IPMK: variants seen among roughly 807,000 people sequenced by gnomAD.
IPMK encodes the protein inositol polyphosphate multikinase, also known as inositol 1,3,4,6-tetrakisphosphate 5-kinase.
A neutral mutation model predicts 45.8 loss-of-function variants in IPMK; 17 were observed. The observed-to-expected ratio is 0.37, with a 90% CI of 0.25 to 0.56. The LOEUF is 0.56. Ranked by LOEUF, IPMK falls within the 20% of genes least tolerant of loss-of-function variation. The pLI, the probability that IPMK is intolerant of heterozygous loss-of-function variation, is 0.79. For missense variants in IPMK, 399 were observed against 498.0 expected, an observed-to-expected ratio of 0.80 and a Z score of 1.89; for synonymous variants, 180 against 184.3, an observed-to-expected ratio of 0.98 and a Z score of 0.19.
intron 1 of IPMK, among the ~76,000 whole-genome samples, chr10:58,264,440 C>G (rs1839118969): frequency 6.6e-6 from 1 of 152,094 alleles, no homozygotes; most frequent in Non-Finnish European, 1.5e-5. Context: ...ATAGACTACC[C>G]CATTTCTACA....
Position 58,244,591 on chromosome 10 carries a change from A to G in IPMK, c.191-6777T>C, listed in dbSNP as rs557244281. Among the ~76,000 whole-genome samples the G allele has an allele frequency of 4.0e-4, 61 of 151,848 alleles. 1 individual carries two copies. Among genetic ancestry groups the G allele is most frequent in the Non-Finnish European group, 7.1e-4 (48 of 67,882 alleles). ...ATGATGACGATGGTGGTTTTGTCGA[A>G]AAAAAAGAAAAGGGGGAAATGTGGG... On this transcript the variant is annotated intron_variant, in intron 1 of 5. Coordinates refer to ENST00000373935, the MANE Select transcript of IPMK (RefSeq NM_152230.5).
intron 3 of IPMK, among the ~76,000 whole-genome samples, chr10:58,226,182 C>G (rs373664196): frequency 1.3e-5 from 2 of 152,052 alleles, no homozygotes; most frequent in African/African-American, 4.8e-5. Context: ...AAACCTGGCA[C>G]GCAAAGTCAT....
rs1346889312 is a variant in IPMK, at chr10:58,245,923, T to C, written c.191-8109A>G. ...GAAAACCCCACTGTCTCAGCCCAAATCTCCGTAAGCTGATAAGCAACTTCA... is the reference window on the plus strand; with the variant it reads ...GAAAACCCCACTGTCTCAGCCCAAACCTCCGTAAGCTGATAAGCAACTTCA... On this transcript the variant is annotated intron_variant, in intron 1 of 5. Coordinates refer to ENST00000373935, the MANE Select transcript of IPMK (RefSeq NM_152230.5). Among the ~76,000 whole-genome samples the C allele has an allele frequency of 3.6e-3, 486 of 135,192 alleles. 8 individuals are homozygous for C. The highest frequency in any genetic ancestry group is 0.015 in the African/African-American group (453 of 30,356). The allele number at this position is 135,192 out of a possible 152,430, so 88.7% of individuals were successfully genotyped here. A position where few individuals can be genotyped will look rare whatever the true frequency, so the allele number is the denominator to read the frequency against.
At chr10:58,225,578 T>C (rs1041145577) in intron 3 of IPMK, among the ~76,000 whole-genome samples, 4 of 152,152 alleles carry the variant, frequency 2.6e-5, no homozygotes, top group Admixed American at 1.3e-4. Flanking sequence ...TCATAGTAAT[T>C]ATGCTGTATT....
intron 1 of IPMK, among the ~76,000 whole-genome samples, chr10:58,264,922 T>C (rs1259575486): frequency 1.3e-5 from 2 of 152,158 alleles, no homozygotes; most frequent in African/African-American, 4.8e-5. Flanking sequence ...CCTGAAAGGA[T>C]AGACAGGAAG....
intron 3 of IPMK, among the ~76,000 whole-genome samples, chr10:58,225,162 C>T (rs1838394036): frequency 6.6e-6 from 1 of 152,150 alleles, no homozygotes; most frequent in Non-Finnish European, 1.5e-5. Flanking sequence ...AGCTTCCTCA[C>T]TTCATCCTCT....
intron 1 of IPMK, among the ~76,000 whole-genome samples, chr10:58,263,624 G>A (rs939378016): frequency 6.6e-6 from 1 of 152,104 alleles, no homozygotes; most frequent in African/African-American, 2.4e-5. Context: ...GTTTGAGGCT[G>A]CAGTGAACTA....
chr10:58,267,384 G>C, intron 1 of IPMK, 38 bp downstream of exon 1: 4 of 1,603,598 alleles, frequency 2.5e-6, no homozygotes, highest in Non-Finnish European at 3.4e-6. Flanking sequence ...TCGCACAGGC[G>C]GAAGGGGAGC....
chr10:58,265,152 T>C (rs1023235386), intron 1 of IPMK, among the ~76,000 whole-genome samples: 4 of 152,228 alleles, frequency 2.6e-5, no homozygotes, highest in Non-Finnish European at 5.9e-5. Context: ...TATATGCTTG[T>C]TACTTAGCAT....
At chr10:58,218,455 C>A (rs1023886773) in intron 3 of IPMK, among the ~76,000 whole-genome samples, 1 of 152,322 alleles carries the variant, frequency 6.6e-6, no homozygotes, top group East Asian at 1.9e-4. Flanking sequence ...GAAAACAGAT[C>A]CAGCCCCACT....
At position 58,215,763 on chromosome 10, in the gene IPMK, A is replaced by G. The variant is rs571788681; in HGVS notation, c.546+382T>C. Among the ~76,000 whole-genome samples, 230 of 152,268 alleles carry G rather than the reference A, an allele frequency of 1.5e-3. 2 individuals carry two copies. The highest frequency in any genetic ancestry group is 5.3e-3 in the African/African-American group (222 of 41,552). On this transcript the variant is annotated intron_variant, in intron 4 of 5. Transcript: ENST00000373935. ...TATATTTTGAAAATGCAGAAAAATG[A>G]CTGAATATATATATTTAGCACTTTT...
intron 1 of IPMK, among the ~76,000 whole-genome samples, chr10:58,245,371 T>C (rs1438901572): frequency 1.1e-4 from 16 of 151,934 alleles, no homozygotes; most frequent in African/African-American, 3.9e-4. Context: ...CCCAGTACTC[T>C]GGGAGGCCAA....
intron 3 of IPMK, among the ~76,000 whole-genome samples, chr10:58,226,715 T>C (rs550948936): frequency 6.6e-6 from 1 of 152,250 alleles, no homozygotes; most frequent in South Asian, 2.1e-4. Context: ...AATATTTTTC[T>C]TGATTTTTAA....
intron 1 of IPMK, among the ~76,000 whole-genome samples, chr10:58,238,758 G>A (rs1278640637): frequency 6.6e-6 from 1 of 151,956 alleles, no homozygotes; most frequent in Admixed American, 6.6e-5. Flanking sequence ...ACTACAAAAG[G>A]ATCTAGAATT....
chr10:58,244,576 T>C (rs376761303), intron 1 of IPMK, among the ~76,000 whole-genome samples: 3 of 149,850 alleles, frequency 2.0e-5, no homozygotes, highest in African/African-American at 4.9e-5. Context: ...ATGATGACGA[T>C]GGTGGTTTTG....
rs1299842382 is a variant in IPMK, at chr10:58,196,630, T to C, written c.697A>G (p.Ile233Val). ...TCAAACCACTGCAGAATTTTCTCAA[T>C]CTTCTGAATACTGGCAGCAACAGCA... ...KDAVAASIQK[I>V]EKILQWFENQ... is the part of the protein sequence containing the mutation. The change falls in exon 6 of 6, where the codon ATT becomes GTT. Residue 233 changes from isoleucine to valine, a missense_variant. This residue lies in a region of IPMK where 288 missense variants were observed against 398.0 expected (regional missense o/e 0.72). Coordinates refer to ENST00000373935, the MANE Select transcript of IPMK (RefSeq NM_152230.5). The C allele has an allele frequency of 5.0e-6, 8 of 1,613,722 alleles. No homozygotes were observed. Among genetic ancestry groups the C allele is most frequent in the Non-Finnish European group, 6.8e-6 (8 of 1,179,726 alleles).
At position 58,235,187 on chromosome 10, in the gene IPMK, G is replaced by A. The variant is rs1008919470; in HGVS notation, c.276+2542C>T. On this transcript the variant is annotated intron_variant, in intron 2 of 5. Coordinates refer to ENST00000373935, the MANE Select transcript of IPMK (RefSeq NM_152230.5). The stretch of plus-strand genomic sequence containing the variant: ...AAACAACAGATGCTGGAGAGGATGT[G>A]GAGAAATAGGAACACTTTTACACTG... Among the ~76,000 whole-genome samples the A allele has an allele frequency of 1.4e-4, 21 of 152,290 alleles. 1 individual carries two copies. Among genetic ancestry groups the A allele is most frequent in the Non-Finnish European group, 2.8e-4 (19 of 68,020 alleles).
intron 3 of IPMK, among the ~76,000 whole-genome samples, chr10:58,223,262 A>G (rs1056798991): frequency 6.6e-6 from 1 of 152,178 alleles, no homozygotes; most frequent in South Asian, 2.1e-4. Flanking sequence ...TTAAATATAC[A>G]TATTGTTTTA....
intron 4 of IPMK, among the ~76,000 whole-genome samples, chr10:58,200,019 C>T (rs533045929): frequency 6.6e-6 from 1 of 152,296 alleles, no homozygotes; most frequent in South Asian, 2.1e-4. Context: ...ATTCCTAAAA[C>T]ACACACCTAT....
Sources: allele counts gnomAD v4.1 joint callset (sites outside exome capture counted in the v4.1 genomes callset), GRCh38; gene constraint gnomAD v4.1.1; regional missense constraint gnomAD v4.1.1; transcripts MANE v1.5; gene names NCBI Gene and HGNC (gene_info 2026-07-23, HGNC 2026-07-21).